FMNL2: variants seen among roughly 807,000 people sequenced by gnomAD.
FMNL2 encodes formin-like protein 2.
A neutral mutation model predicts 130.2 loss-of-function variants in FMNL2; 51 were observed. The ratio of observed to expected loss-of-function variants is 0.39; its 90% CI spans 0.31 to 0.49. FMNL2 has a LOEUF of 0.49. Among genes scored for constraint, FMNL2 ranks in the 20% least tolerant of loss-of-function variants. FMNL2 has a pLI of 0.85. For missense variants in FMNL2, 977 were observed against 1,316.2 expected, an observed-to-expected ratio of 0.74 and a Z score of 3.99; for synonymous variants, 465 against 467.1, an observed-to-expected ratio of 1.00 and a Z score of 0.06.
chr2:152,534,660 T>A (rs1349101830), intron 2 of FMNL2, among the ~76,000 whole-genome samples: 3 of 151,738 alleles, frequency 2.0e-5, no homozygotes, highest in African/African-American at 7.3e-5. Flanking sequence ...CTCTGGGGAC[T>A]CTGAAAGATC....
At chr2:152,336,028 G>T (rs1162692755) in intron 1 of FMNL2, among the ~76,000 whole-genome samples, 15 of 151,808 alleles carry the variant, frequency 9.9e-5, no homozygotes, top group Admixed American at 2.0e-4. Flanking sequence ...CGGCGTGGGC[G>T]TGAAGAGAAG....
chr2:152,373,172 G>C (rs1221765770), intron 1 of FMNL2, among the ~76,000 whole-genome samples: 1 of 152,136 alleles, frequency 6.6e-6, no homozygotes, highest in Non-Finnish European at 1.5e-5. Flanking sequence ...ATTGGTTACT[G>C]TTCTTATAAA....
intron 1 of FMNL2, among the ~76,000 whole-genome samples, chr2:152,396,306 T>C (rs556245512): frequency 6.6e-6 from 1 of 152,350 alleles, no homozygotes; most frequent in African/African-American, 2.4e-5. Flanking sequence ...CTATACTTGC[T>C]ATTTGGGCTG....
intron 2 of FMNL2, among the ~76,000 whole-genome samples, chr2:152,523,880 A>T (rs941514840): frequency 2.6e-5 from 4 of 152,192 alleles, no homozygotes; most frequent in South Asian, 2.1e-4. Flanking sequence ...AAACGTGCTT[A>T]TTGAAAACAT....
intron 1 of FMNL2, among the ~76,000 whole-genome samples, chr2:152,391,955 C>A (rs1171675358): frequency 7.5e-6 from 1 of 133,824 alleles, no homozygotes; most frequent in Non-Finnish European, 1.6e-5. Flanking sequence ...AAAACATCTA[C>A]CTTAGGATCT....
At chr2:152,447,038 A>C (rs1464304498) in intron 1 of FMNL2, among the ~76,000 whole-genome samples, 2 of 152,136 alleles carry the variant, frequency 1.3e-5, no homozygotes, top group Non-Finnish European at 2.9e-5. Context: ...ATTTACCCTG[A>C]AAGAGAAGAG....
chr2:152,364,292 T>TTA (rs1683382364), intron 1 of FMNL2, among the ~76,000 whole-genome samples: 1 of 123,034 alleles, frequency 8.1e-6, no homozygotes, highest in Non-Finnish European at 1.7e-5. Context: ...TTTTTTTTTT[T>TTA]ACCAGATCCT....
chr2:152,495,658 A>AAAAAAAAAAAAAAAAAAAAAAAAG (rs1691472585), intron 1 of FMNL2, among the ~76,000 whole-genome samples: 1 of 148,734 alleles, frequency 6.7e-6, no homozygotes, highest in African/African-American at 2.5e-5. Flanking sequence ...CTCACCAAAA[A>AAAAAAAAAAAAAAAAAAAAAAAAG]AAAAAAAAAG....
intron 1 of FMNL2, among the ~76,000 whole-genome samples, chr2:152,516,122 C>A (rs754496748): frequency 6.6e-6 from 1 of 151,936 alleles, no homozygotes; most frequent in Non-Finnish European, 1.5e-5. Context: ...TTTTTTGTAG[C>A]GACAAGTAAT....
intron 1 of FMNL2, among the ~76,000 whole-genome samples, chr2:152,448,304 A>G (rs1035844539): frequency 6.6e-6 from 1 of 152,062 alleles, no homozygotes; most frequent in Admixed American, 6.6e-5. Context: ...TTTTTGGATA[A>G]AAGTATTGGA....
At chr2:152,457,592 C>T (rs1180252314) in intron 1 of FMNL2, among the ~76,000 whole-genome samples, 1 of 152,148 alleles carries the variant, frequency 6.6e-6, no homozygotes, top group Non-Finnish European at 1.5e-5. Flanking sequence ...GATCTGAGAT[C>T]ACAGTGTATA....
In FMNL2 at chr2:152,574,659, CTTTCTT is replaced by C. The variant is rs1256059618; in HGVS notation, c.597-473_597-468del. Reference sequence around the variant, plus strand: ...GGCAGTTGATTCCATTCAAATTACTCTTTCTTTTTAAAACTTAGATTACTTTGTTTT... The same window carrying C: ...GGCAGTTGATTCCATTCAAATTACTCTTTAAAACTTAGATTACTTTGTTTT... On this transcript the variant is annotated intron_variant, in intron 6 of 25. Transcript: ENST00000288670. 7.2e-5 allele frequency among the ~76,000 whole-genome samples: 11 copies of C among 152,240 alleles called. No homozygotes were observed. In the East Asian group the frequency reaches 1.9e-3, roughly 27 times the overall value.
At chr2:152,590,947 C>T (rs75678299) in intron 9 of FMNL2, among the ~76,000 whole-genome samples, 2,792 of 143,288 alleles carry the variant, frequency 0.019, 99 homozygotes, top group African/African-American at 0.065. Context: ...TAGACTATCC[C>T]TCTTGTGCAG....
At chr2:152,399,842 A>G (rs1419265032) in intron 1 of FMNL2, among the ~76,000 whole-genome samples, 1 of 152,140 alleles carries the variant, frequency 6.6e-6, no homozygotes, top group Non-Finnish European at 1.5e-5. Flanking sequence ...GGTGAGTTCT[A>G]TGTGGCAGGT....
chr2:152,559,603 C>T (rs1695414753), intron 5 of FMNL2, among the ~76,000 whole-genome samples: 2 of 152,188 alleles, frequency 1.3e-5, no homozygotes, highest in South Asian at 4.1e-4. Context: ...CCGCACCCAA[C>T]CTAGAAGCAC....
intron 9 of FMNL2, among the ~76,000 whole-genome samples, chr2:152,586,069 G>T (rs1399274520): frequency 1.3e-5 from 2 of 152,142 alleles, no homozygotes; most frequent in Non-Finnish European, 2.9e-5. Context: ...CTGCTGGGAG[G>T]TGCACCTGGA....
At position 152,349,509 on chromosome 2, in the gene FMNL2, GA is replaced by G. The variant is rs1261797804; in HGVS notation, c.117+13790del. On this transcript the variant is annotated intron_variant, in intron 1 of 25. Transcript: ENST00000288670. ...ATTATGTTTTCTGAGTTAGCTCTAA[GA>G]TGTCATTAAATGTATGCTTCTTGTT... Among the ~76,000 whole-genome samples, 8 of 152,338 alleles carry G rather than the reference GA, an allele frequency of 5.3e-5. No individual in the cohort carries two copies. In the South Asian group the frequency reaches 1.7e-3, roughly 32 times the overall value.
At chr2:152,486,193 T>G (rs1022230199) in intron 1 of FMNL2, among the ~76,000 whole-genome samples, 1 of 152,212 alleles carries the variant, frequency 6.6e-6, no homozygotes, top group Non-Finnish European at 1.5e-5. Context: ...TTTGCTCTCT[T>G]TCTTGAATCA....
intron 1 of FMNL2, among the ~76,000 whole-genome samples, chr2:152,371,821 A>T (rs1344208819): frequency 1.3e-5 from 2 of 152,016 alleles, no homozygotes; most frequent in African/African-American, 2.4e-5. Flanking sequence ...TTCTAGGAAG[A>T]GGAAGAGAGA....
Sources: gnomAD v4.1 joint callset for allele counts (sites outside exome capture counted in the v4.1 genomes callset) on GRCh38, gnomAD v4.1.1 for gene constraint, MANE v1.5 for transcripts, NCBI Gene and HGNC (gene_info 2026-07-23, HGNC 2026-07-21) for gene names.